Variants in CALM3 observed in about 807,000 individuals in gnomAD.
The protein encoded by CALM3 is calmodulin-3.
CALM3 carries 5 observed loss-of-function variants against 20.1 expected under a neutral mutation model. The ratio of observed to expected loss-of-function variants is 0.25; its 90% confidence interval spans 0.13 to 0.52. The LOEUF is 0.52. Among genes scored for constraint, CALM3 ranks in the 20% least tolerant of loss-of-function variants. The pLI, the probability that CALM3 is intolerant of heterozygous loss-of-function variation, is 0.96. For missense variants in CALM3, 57 were observed against 192.8 expected (o/e 0.30, Z 4.17); for synonymous variants, 69 against 68.1 (o/e 1.01, Z -0.06).
At chr19:46,601,299 G>A, upstream of CALM3, 1 of 642,644 alleles carries the variant, frequency 1.6e-6, no homozygotes, top group East Asian at 5.4e-5. This position sits in a 1 kb window ranked among gnomAD's most constrained non-coding sequence, Gnocchi z 4.2. Context: ...TGGGGCGGGA[G>A]GCGGCGGCGG....
chr19:46,603,952 G>GCCCCCA (rs1177982403), intron 1 of CALM3, among the ~76,000 whole-genome samples: 1 of 152,122 alleles, frequency 6.6e-6, no homozygotes, highest in Non-Finnish European at 1.5e-5. Flanking sequence ...CAGCCTCCTC[G>GCCCCCA]CCCCCACCCC....
intron 1 of CALM3, chr19:46,602,004 G>C (rs1324004427): frequency 1.1e-6 from 1 of 923,570 alleles, no homozygotes; most frequent in Non-Finnish European, 1.5e-6. Flanking sequence ...AAGGATGGGC[G>C]GTCACTTCTA....
At position 46,601,578 on chromosome 19, in the gene CALM3, G is replaced by A; in HGVS notation, c.3+141G>A. 2.5e-6 allele frequency: 2 copies of A among 801,298 alleles called. No homozygotes were observed. The highest frequency in any genetic ancestry group is 3.5e-6 in the Non-Finnish European group (2 of 567,032). 49.6% of individuals were successfully genotyped at this position (801,298 alleles called of 1,614,324 possible). A position where few individuals can be genotyped will look rare whatever the true frequency, so the allele number is the denominator to read the frequency against. ...CTCGGGACCCTTTTCTACCCGCGTTGTCGGGGGCTGTTGAACCCAGAGCGG... is the reference window on the plus strand; with the variant it reads ...CTCGGGACCCTTTTCTACCCGCGTTATCGGGGGCTGTTGAACCCAGAGCGG... On this transcript the variant is annotated intron_variant, in intron 1 of 5. Coordinates refer to ENST00000291295, the MANE Select transcript of CALM3 (RefSeq NM_005184.4). This position sits in a 1 kb window ranked among gnomAD's most constrained non-coding sequence, Gnocchi z 4.2.
Position 46,608,953 on chromosome 19 carries a change from C to A in CALM3, c.393C>A (p.Ile131=). Residue 131 remains isoleucine (I), a synonymous_variant, in exon 5 of 6, where the codon ATC becomes ATA. Coordinates refer to ENST00000291295, the MANE Select transcript of CALM3 (RefSeq NM_005184.4). The surrounding 1 kb of genome is among the most constrained non-coding windows in gnomAD (Gnocchi z 5.5). ...ATGAGATGATCAGGGAGGCTGACAT[C>A]GATGGAGATGGCCAGGTCAATTATG... ...EVDEMIREAD[I]DGDGQVNYEE... is the part of the protein sequence containing the mutation. 6.2e-7 allele frequency: 1 copy of A among 1,606,916 alleles called. No homozygotes were observed. Among genetic ancestry groups the A allele is most frequent in the Admixed American group, 1.7e-5 (1 of 59,060 alleles).
In CALM3 at chr19:46,610,685, G is replaced by C. The variant is rs527269928; in HGVS notation, c.*1532G>C. 1 of 152,726 alleles carries C rather than the reference G, an allele frequency of 6.5e-6. No individual in the cohort carries two copies. Among genetic ancestry groups the C allele is most frequent in the South Asian group, 2.1e-4 (1 of 4,828 alleles). The allele number at this position is 152,726 out of a possible 1,614,324, so 9.5% of individuals were successfully genotyped here. On this transcript the variant is annotated 3_prime_UTR_variant, in exon 6 of 6. Coordinates refer to ENST00000291295, the MANE Select transcript of CALM3 (RefSeq NM_005184.4). ...GCTGTGGACATTTTCGGAATGTTTT[G>C]GTTTTGTTTTTTTTAAACCGGGCAA...
intron 1 of CALM3, among the ~76,000 whole-genome samples, chr19:46,603,553 C>T (rs113895790): frequency 2.0e-4 from 31 of 152,160 alleles, no homozygotes; most frequent in Middle Eastern, 6.8e-3. Context: ...TTTTTCTTGT[C>T]CAGCCCCTTG....
At chr19:46,609,100 CCTCT>C (rs200365925) in intron 5 of CALM3, 21 bp from the exon 6 acceptor site, 29 of 1,613,788 alleles carry the variant, frequency 1.8e-5, no homozygotes, top group Non-Finnish European at 2.2e-5. Context: ...CGCCTGACCT[CCTCT>C]CTCTCTGCTT....
At chr19:46,601,182 G>A, upstream of CALM3, 1 of 480,410 alleles carries the variant, frequency 2.1e-6, no homozygotes. This position sits in a 1 kb window ranked among gnomAD's most constrained non-coding sequence, Gnocchi z 4.2. Flanking sequence ...CGTAGGTGTG[G>A]AGCGGGGCGC....
Position 46,605,772 on chromosome 19 carries a change from G to C in CALM3, c.4-55G>C, listed in dbSNP as rs996844874. 6.3e-7 allele frequency: 1 copy of C among 1,594,370 alleles called. No individual in the cohort carries two copies. Among genetic ancestry groups the C allele is most frequent in the African/African-American group, 1.3e-5 (1 of 74,478 alleles). On this transcript the variant is annotated intron_variant, in intron 1 of 5. Coordinates refer to ENST00000291295, the MANE Select transcript of CALM3 (RefSeq NM_005184.4). This position sits in a 1 kb window ranked among gnomAD's most constrained non-coding sequence, Gnocchi z 4.1. The stretch of plus-strand genomic sequence containing the variant: ...CCGAGGGTCTGGGCTGAGTGAGGAA[G>C]ATGCGTCCGTGCTGTCCGGCCTGGT...
At chr19:46,602,134 A>G in intron 1 of CALM3, 1 of 1,327,384 alleles carries the variant, frequency 7.5e-7, no homozygotes, top group Non-Finnish European at 1.0e-6. Context: ...GGTGGGTGGC[A>G]GCGGAGATTA....
In CALM3 at chr19:46,608,812, G is replaced by T. The variant is rs1971801870; in HGVS notation, c.286-34G>T. The stretch of plus-strand genomic sequence containing the variant: ...ACTGCCTCTCTCCCCACCGGGAGAA[G>T]TGCCCAGTGAAAGGCTTTATCCCCA... On this transcript the variant is annotated intron_variant, in intron 4 of 5. Transcript: ENST00000291295. This position sits in a 1 kb window ranked among gnomAD's most constrained non-coding sequence, Gnocchi z 5.5. The T allele has an allele frequency of 2.0e-6, 3 of 1,534,136 alleles. No individual in the cohort carries two copies.
At chr19:46,602,048 G>T in intron 1 of CALM3, 1 of 1,266,040 alleles carries the variant, frequency 7.9e-7, no homozygotes, top group East Asian at 5.6e-5. Context: ...GGAGGGTGGG[G>T]GAGGGTGGTC....
chr19:46,608,809 G>A lies in CALM3; in HGVS notation c.286-37G>A. On this transcript the variant is annotated intron_variant, in intron 4 of 5. Coordinates refer to ENST00000291295, the MANE Select transcript of CALM3 (RefSeq NM_005184.4). The surrounding 1 kb of genome is among the most constrained non-coding windows in gnomAD (Gnocchi z 5.5). ...CTCACTGCCTCTCTCCCCACCGGGAGAAGTGCCCAGTGAAAGGCTTTATCC... is the reference window on the plus strand; with the variant it reads ...CTCACTGCCTCTCTCCCCACCGGGAAAAGTGCCCAGTGAAAGGCTTTATCC... The A allele has an allele frequency of 6.5e-7, 1 of 1,534,042 alleles. No homozygotes were observed. The highest frequency in any genetic ancestry group is 8.8e-7 in the Non-Finnish European group (1 of 1,141,216).
chr19:46,605,142 A>G lies in CALM3; in HGVS notation c.4-685A>G, dbSNP rs1345934903. The G allele has an allele frequency of 2.0e-5, 3 of 152,372 alleles. No individual in the cohort carries two copies. The highest frequency in any genetic ancestry group is 2.1e-4 in the South Asian group (1 of 4,842). The allele number at this position is 152,372 out of a possible 1,614,324, so 9.4% of individuals were successfully genotyped here. A position where few individuals can be genotyped will look rare whatever the true frequency, so the allele number is the denominator to read the frequency against. On this transcript the variant is annotated intron_variant, in intron 1 of 5. Coordinates refer to ENST00000291295, the MANE Select transcript of CALM3 (RefSeq NM_005184.4). This position sits in a 1 kb window ranked among gnomAD's most constrained non-coding sequence, Gnocchi z 4.1. Reference sequence around the variant, plus strand: ...CTGACGTTTGTCCCTTCTGCCCAAAAGAAACAAAACAGAATGGCCCTGTGC... The same window carrying G: ...CTGACGTTTGTCCCTTCTGCCCAAAGGAAACAAAACAGAATGGCCCTGTGC...
Position 46,608,781 on chromosome 19 carries a change from C to CCT in CALM3, c.286-61_286-60dup. On this transcript the variant is annotated intron_variant, in intron 4 of 5. Coordinates refer to ENST00000291295, the MANE Select transcript of CALM3 (RefSeq NM_005184.4). This position sits in a 1 kb window ranked among gnomAD's most constrained non-coding sequence, Gnocchi z 5.5. Reference sequence around the variant, plus strand: ...CTGAGGGATGGTGATGACAGCCACCCCTCTCACTGCCTCTCTCCCCACCGG... The same window carrying CCT: ...CTGAGGGATGGTGATGACAGCCACCCCTCTCTCACTGCCTCTCTCCCCACCGG... 2 of 1,491,480 alleles carry CCT rather than the reference C, an allele frequency of 1.3e-6. No homozygotes were observed. The highest frequency in any genetic ancestry group is 1.8e-6 in the Non-Finnish European group (2 of 1,111,026). The allele number at this position is 1,491,480 out of a possible 1,614,324, so 92.4% of individuals were successfully genotyped here. A position where few individuals can be genotyped will look rare whatever the true frequency, so the allele number is the denominator to read the frequency against.
intron 1 of CALM3, among the ~76,000 whole-genome samples, chr19:46,603,361 G>A (rs1971674626): frequency 6.6e-6 from 1 of 152,334 alleles, no homozygotes; most frequent in South Asian, 2.1e-4. Context: ...CAAGGTAGAG[G>A]TGGGACAAGT....
chr19:46,608,574 C>T lies in CALM3; in HGVS notation c.271C>T (p.Arg91Cys). 6.2e-7 allele frequency: 1 copy of T among 1,613,248 alleles called. No individual in the cohort carries two copies. Among genetic ancestry groups the T allele is most frequent in the Non-Finnish European group, 8.5e-7 (1 of 1,179,184 alleles). Residue 91 changes from arginine to cysteine, a missense_variant, in exon 4 of 6, where the codon CGT becomes TGT. Arg to Cys is a radical substitution (Grantham distance 180). Coordinates refer to ENST00000291295, the MANE Select transcript of CALM3 (RefSeq NM_005184.4). This position sits in a 1 kb window ranked among gnomAD's most constrained non-coding sequence, Gnocchi z 5.5. Reference sequence around the variant, plus strand: ...TGAGGAGGAGATCCGAGAGGCGTTCCGTGTCTTTGACAAGGTAAGCAGCCC... The same window carrying T: ...TGAGGAGGAGATCCGAGAGGCGTTCTGTGTCTTTGACAAGGTAAGCAGCCC... ...DSEEEIREAF[R>C]VFDKDGNGYI...
rs186405375 is a variant in CALM3, at chr19:46,608,359, G to A, written c.178+19G>A. On this transcript the variant is annotated intron_variant, in intron 3 of 5. Coordinates refer to ENST00000291295, the MANE Select transcript of CALM3 (RefSeq NM_005184.4). The surrounding 1 kb of genome is among the most constrained non-coding windows in gnomAD (Gnocchi z 5.5). ...GCAGATGGTGAGCCCCACAGAGCGC[G>A]TGGGCAGCCCTGCTCCTGGTCACCC... The A allele has an allele frequency of 7.5e-5, 121 of 1,613,624 alleles. No homozygotes were observed. The East Asian group carries it at 2.1e-3, about 28-fold the overall frequency.
At chr19:46,601,298 A>G, upstream of CALM3, 1 of 723,482 alleles carries the variant, frequency 1.4e-6, no homozygotes, top group South Asian at 3.6e-5. This position sits in a 1 kb window ranked among gnomAD's most constrained non-coding sequence, Gnocchi z 4.2. Context: ...TTGGGGCGGG[A>G]GGCGGCGGCG....
Sources: allele counts gnomAD v4.1 joint callset (sites outside exome capture counted in the v4.1 genomes callset), GRCh38; gene constraint gnomAD v4.1.1; non-coding constraint Gnocchi (gnomAD v3.1); transcripts MANE v1.5; gene names NCBI Gene and HGNC (gene_info 2026-07-23, HGNC 2026-07-21).